The following EIF1AD variants were observed in gnomAD, a reference collection of about 807,000 sequenced individuals.
EIF1AD encodes the protein probable RNA-binding protein EIF1AD.
Under a neutral mutation model 21.7 loss-of-function variants are expected in EIF1AD, and 9 were observed. That is an observed-to-expected ratio of 0.41 (90% CI 0.25 to 0.72). The LOEUF (loss-of-function observed/expected upper bound fraction) is 0.72, where lower values mean the gene tolerates loss of function less well. EIF1AD is among the 30% of genes least tolerant of loss of function. The pLI is 0.29. For missense variants in EIF1AD, 164 were observed against 199.7 expected (o/e 0.82, Z 1.08); for synonymous variants, 78 against 70.9 (o/e 1.10, Z -0.50).
chr11:65,999,840 T>G, intron 3 of EIF1AD, 165 bp from the exon 4 acceptor site: 1 of 650,998 alleles, frequency 1.5e-6, no homozygotes, highest in Non-Finnish European at 2.6e-6. Flanking sequence ...TGGCAAGCAA[T>G]AGCATGATCA....
At position 65,996,825 on chromosome 11, in the gene EIF1AD, A is replaced by C. The variant is rs1855740684; in HGVS notation, c.*1774T>G. 6.6e-6 allele frequency: 1 copy of C among 152,192 alleles called. No homozygotes were observed. The highest frequency in any genetic ancestry group is 2.4e-5 in the African/African-American group (1 of 41,420). 9.4% of individuals were successfully genotyped at this position (152,192 alleles called of 1,614,324 possible). ...TAGACAGGACAGCCAAAAACACAAA[A>C]CAAAAAAAGAATCAAATACCCACAC... On this transcript the variant is annotated 3_prime_UTR_variant, in exon 6 of 6. Coordinates refer to ENST00000533544, the MANE Select transcript of EIF1AD (RefSeq NM_001242481.2).
At chr11:65,999,831 G>T (rs1855875622) in intron 3 of EIF1AD, 156 bp from the exon 4 acceptor site, 1 of 660,008 alleles carries the variant, frequency 1.5e-6, no homozygotes, top group Non-Finnish European at 2.6e-6. Context: ...TGCCCAGGCT[G>T]GCAAGCAATA....
Position 65,998,384 on chromosome 11 carries a change from T to A in EIF1AD, c.*215A>T. 7.3e-6 allele frequency: 3 copies of A among 411,254 alleles called. No individual in the cohort carries two copies. The highest frequency in any genetic ancestry group is 8.4e-6 in the Non-Finnish European group (2 of 237,042). 25.5% of individuals were successfully genotyped at this position (411,254 alleles called of 1,614,324 possible). A position where few individuals can be genotyped will look rare whatever the true frequency, so the allele number is the denominator to read the frequency against. ...AAATAGGGAGCAGTTTTTCACTTCA[T>A]CACAATCTCCCTCCCCCGAGAGAGC... is the stretch of plus-strand genomic sequence containing the variant. On this transcript the variant is annotated 3_prime_UTR_variant, in exon 6 of 6. Coordinates refer to ENST00000533544, the MANE Select transcript of EIF1AD (RefSeq NM_001242481.2).
rs778490397 is a variant in EIF1AD, at chr11:65,999,617, C to T, written c.255G>A (p.Ser85=). The change falls in exon 4 of 6, where the codon TCG becomes TCA. Residue 85 remains serine, a synonymous_variant. Transcript: ENST00000533544. ...GCACGTGGTCCTTGCAGAGCACAAA[C>T]GAGATTTCAGCCTTCACCTTTTCTC... ...EEGEKVKAEI[S]FVLCKDHVRS... 28 of 1,613,926 alleles carry T rather than the reference C, an allele frequency of 1.7e-5. No homozygotes were observed. Among genetic ancestry groups the T allele is most frequent in the Admixed American group, 5.0e-5 (3 of 60,010 alleles).
chr11:66,000,954 C>G (rs1013073491), intron 1 of EIF1AD, among the ~76,000 whole-genome samples: 3 of 152,110 alleles, frequency 2.0e-5, no homozygotes, highest in Non-Finnish European at 2.9e-5. Flanking sequence ...ACGTTTCTCA[C>G]GCTTACTTGA....
At chr11:66,000,211 C>T (rs751073532) in intron 2 of EIF1AD, 50 bp from the exon 3 acceptor site, 1 of 1,605,696 alleles carries the variant, frequency 6.2e-7, no homozygotes, top group Admixed American at 1.7e-5. Context: ...ATCAAACACC[C>T]TCTCAGACAC....
At position 66,000,479 on chromosome 11, in the gene EIF1AD, G is replaced by T; in HGVS notation, c.-90C>A. On this transcript the variant is annotated 5_prime_UTR_variant, in exon 2 of 6. Transcript: ENST00000533544. ...GATGGCAGGCTCAGAACCCAGGACT[G>T]TTCTGAAGATGGGGAGGGGCCTTTT... The T allele has an allele frequency of 7.5e-7, 1 of 1,336,316 alleles. No individual in the cohort carries two copies. The highest frequency in any genetic ancestry group is 1.0e-6 in the Non-Finnish European group (1 of 959,574). The allele number at this position is 1,336,316 out of a possible 1,614,324, so 82.8% of individuals were successfully genotyped here. A position where few individuals can be genotyped will look rare whatever the true frequency, so the allele number is the denominator to read the frequency against.
At chr11:66,000,639 A>G (rs552620344) in intron 1 of EIF1AD, 134 bp from the exon 2 acceptor site, 2 of 511,036 alleles carry the variant, frequency 3.9e-6, no homozygotes, top group African/African-American at 1.9e-5. Context: ...CTAACTCAGC[A>G]CTGTTACAGT....
rs1855764288 is a variant in EIF1AD at position 65,997,352 on chromosome 11, T to TA, written c.*1246dup. On this transcript the variant is annotated 3_prime_UTR_variant, in exon 6 of 6. Coordinates refer to ENST00000533544, the MANE Select transcript of EIF1AD (RefSeq NM_001242481.2). ...AAAAAAAAAAAAAAAAAAAAAAAGA[T>TA]AGTCTCCAAAACACAAGAGGTAAGG... 4.6e-5 allele frequency: 6 copies of TA among 131,468 alleles called. No homozygotes were observed. Among genetic ancestry groups the TA allele is most frequent in the Admixed American group, 3.0e-4 (4 of 13,314 alleles). 8.1% of individuals were successfully genotyped at this position (131,468 alleles called of 1,614,324 possible).
chr11:65,996,727 CCT>C lies in EIF1AD; in HGVS notation c.*1870_*1871del, dbSNP rs1009404393. On this transcript the variant is annotated 3_prime_UTR_variant, in exon 6 of 6. Transcript: ENST00000533544. ...GTGGGAATCAGTACAGGTTTTCACGCCTGTTTCAGAAATGGGAGATTCTACAG... is the reference window on the plus strand; with the variant it reads ...GTGGGAATCAGTACAGGTTTTCACGCGTTTCAGAAATGGGAGATTCTACAG... 2 of 152,060 alleles carry C rather than the reference CCT, an allele frequency of 1.3e-5. No individual in the cohort carries two copies. The highest frequency in any genetic ancestry group is 2.9e-5 in the Non-Finnish European group (2 of 68,018). The allele number at this position is 152,060 out of a possible 1,614,324, so 9.4% of individuals were successfully genotyped here. A position where few individuals can be genotyped will look rare whatever the true frequency, so the allele number is the denominator to read the frequency against.
rs768320374 is a variant in EIF1AD at position 66,000,422 on chromosome 11, G to GA, written c.-34dup. The GA allele has an allele frequency of 5.6e-5, 88 of 1,571,626 alleles. No homozygotes were observed. The African/African-American group carries it at 9.5e-4, about 17-fold the overall frequency. On this transcript the variant is annotated 5_prime_UTR_variant, in exon 2 of 6. Coordinates refer to ENST00000533544, the MANE Select transcript of EIF1AD (RefSeq NM_001242481.2). ...TCGTCCCACACTGGTTAGGAACGAAGAGACTGTCAACTCCTCCTCCTGAGT... is the reference window on the plus strand; with the variant it reads ...TCGTCCCACACTGGTTAGGAACGAAGAAGACTGTCAACTCCTCCTCCTGAGT...
At position 65,996,634 on chromosome 11, in the gene EIF1AD, T is replaced by A. The variant is rs1047636145; in HGVS notation, c.*1965A>T. 6.6e-6 allele frequency: 1 copy of A among 152,128 alleles called. No homozygotes were observed. Among genetic ancestry groups the A allele is most frequent in the Non-Finnish European group, 1.5e-5 (1 of 68,020 alleles). The allele number at this position is 152,128 out of a possible 1,614,324, so 9.4% of individuals were successfully genotyped here. A position where few individuals can be genotyped will look rare whatever the true frequency, so the allele number is the denominator to read the frequency against. On this transcript the variant is annotated 3_prime_UTR_variant, in exon 6 of 6. Coordinates refer to ENST00000533544, the MANE Select transcript of EIF1AD (RefSeq NM_001242481.2). Reference sequence around the variant, plus strand: ...ATATATACATATATACAAATGTATATATGTTTAAAGCCACGCTATAAGAGA... The same window carrying A: ...ATATATACATATATACAAATGTATAAATGTTTAAAGCCACGCTATAAGAGA...
At position 65,998,390 on chromosome 11, in the gene EIF1AD, T is replaced by A; in HGVS notation, c.*209A>T. ...GGAGCAGTTTTTCACTTCATCACAATCTCCCTCCCCCGAGAGAGCCACTCA... is the reference window on the plus strand; with the variant it reads ...GGAGCAGTTTTTCACTTCATCACAAACTCCCTCCCCCGAGAGAGCCACTCA... On this transcript the variant is annotated 3_prime_UTR_variant, in exon 6 of 6. Coordinates refer to ENST00000533544, the MANE Select transcript of EIF1AD (RefSeq NM_001242481.2). 1.0e-4 allele frequency: 38 copies of A among 373,822 alleles called. No homozygotes were observed. The highest frequency in any genetic ancestry group is 1.6e-4 in the East Asian group (3 of 19,126). The allele number at this position is 373,822 out of a possible 1,614,324, so 23.2% of individuals were successfully genotyped here. A position where few individuals can be genotyped will look rare whatever the true frequency, so the allele number is the denominator to read the frequency against.
At chr11:66,001,034 C>T (rs1476890892) in intron 1 of EIF1AD, among the ~76,000 whole-genome samples, 1 of 152,026 alleles carries the variant, frequency 6.6e-6, no homozygotes, top group African/African-American at 2.4e-5. Flanking sequence ...ATTTCTTTTT[C>T]GGGGAGCTCG....
chr11:65,999,310 C>G, intron 5 of EIF1AD, 40 bp downstream of exon 5: 2 of 1,614,074 alleles, frequency 1.2e-6, no homozygotes, highest in South Asian at 2.2e-5. Flanking sequence ...GCATGAACCC[C>G]TTATTTTCCA....
In EIF1AD at chr11:65,998,329, T is replaced by A. The variant is rs1300652917; in HGVS notation, c.*270A>T. The stretch of plus-strand genomic sequence containing the variant: ...CCAGCCATTTCCCATTTCCTCCCCA[T>A]TCAGCCCACCCACCCACAAGGTCTC... On this transcript the variant is annotated 3_prime_UTR_variant, in exon 6 of 6. Transcript: ENST00000533544. 125 of 213,300 alleles carry A rather than the reference T, an allele frequency of 5.9e-4. No individual in the cohort carries two copies. The highest frequency in any genetic ancestry group is 1.3e-3 in the East Asian group (12 of 9,306). The allele number at this position is 213,300 out of a possible 1,614,324, so 13.2% of individuals were successfully genotyped here.
Position 65,998,713 on chromosome 11 carries a change from T to C in EIF1AD, c.384A>G (p.Pro128=), listed in dbSNP as rs1174400959. 1 of 1,614,148 alleles carries C rather than the reference T, an allele frequency of 6.2e-7. No individual in the cohort carries two copies. The highest frequency in any genetic ancestry group is 1.7e-5 in the Admixed American group (1 of 60,008). ...AGCTGGACTCCTCTCCTGATAACTG[T>C]GGCTCAGCTGGGAGTTCTGGTTGAG... ...RQTQPELPAE[P]QLSGEESSSE... is the part of the protein sequence containing the mutation. Residue 128 remains proline, a synonymous_variant, in exon 6 of 6, where the codon CCA becomes CCG. Coordinates refer to ENST00000533544, the MANE Select transcript of EIF1AD (RefSeq NM_001242481.2).
At chr11:66,001,471 CAA>C (rs397944986) in intron 1 of EIF1AD, among the ~76,000 whole-genome samples, 33 of 79,462 alleles carry the variant, frequency 4.2e-4, no homozygotes, top group Admixed American at 5.8e-4. Flanking sequence ...GACTCCGTCT[CAA>C]AAAAAAAAAA....
chr11:66,001,592 CG>C (rs1419067098), intron 1 of EIF1AD, among the ~76,000 whole-genome samples: 10 of 151,820 alleles, frequency 6.6e-5, no homozygotes, highest in African/African-American at 2.4e-4. Flanking sequence ...TGAAATAAAC[CG>C]TATCTTTCTC....
Sources: allele counts gnomAD v4.1 joint callset (sites outside exome capture counted in the v4.1 genomes callset), GRCh38; gene constraint gnomAD v4.1.1; transcripts MANE v1.5; gene names NCBI Gene and HGNC (gene_info 2026-07-23, HGNC 2026-07-21).